The following CLRN1 variants were observed in gnomAD, a reference collection of about 807,000 sequenced individuals.
CLRN1 encodes clarin 1, also known as clarin-1.
In CLRN1, 15 loss-of-function variants were observed where a neutral mutation model predicts 18.7. The observed-to-expected ratio is 0.80, with a 90% CI of 0.54 to 1.23. CLRN1 has a LOEUF of 1.23. Among genes scored for constraint, CLRN1 ranks in the 50% most tolerant of loss-of-function variants. CLRN1 has a pLI of 0.00. For missense variants in CLRN1, 311 were observed against 277.5 expected, an observed-to-expected ratio of 1.12 and a Z score of -0.86; for synonymous variants, 104 against 102.9, an observed-to-expected ratio of 1.01 and a Z score of -0.07.
intron 1 of CLRN1, among the ~76,000 whole-genome samples, chr3:150,963,531 C>T (rs898132160): frequency 1.8e-4 from 28 of 152,178 alleles, no homozygotes; most frequent in African/African-American, 4.6e-4. Flanking sequence ...ATCAAGCTAC[C>T]ATTGACTTTC....
intron 2 of CLRN1, among the ~76,000 whole-genome samples, chr3:150,930,064 G>T (rs945278841): frequency 6.6e-6 from 1 of 152,180 alleles, no homozygotes; most frequent in Non-Finnish European, 1.5e-5. Context: ...TAATACTCAT[G>T]ATTTTTGCTC....
In CLRN1 at chr3:150,962,225, C is replaced by T. The variant is rs1198627908; in HGVS notation, c.253+10231G>A. On this transcript the variant is annotated intron_variant, in intron 1 of 2. Coordinates refer to ENST00000327047, the MANE Select transcript of CLRN1 (RefSeq NM_174878.3). Reference sequence around the variant, plus strand: ...ACAGTTACAGCATGCTGAGAGGGAGCGAAATATGAACCCTGCATAAATTAG... The same window carrying T: ...ACAGTTACAGCATGCTGAGAGGGAGTGAAATATGAACCCTGCATAAATTAG... 3.3e-5 allele frequency among the ~76,000 whole-genome samples: 5 copies of T among 152,206 alleles called. No individual in the cohort carries two copies. The East Asian group carries it at 7.7e-4, about 24-fold the overall frequency.
chr3:150,954,756 T>C (rs1224849867), intron 1 of CLRN1, among the ~76,000 whole-genome samples: 3 of 152,266 alleles, frequency 2.0e-5, no homozygotes, highest in Admixed American at 6.5e-5. Flanking sequence ...CATTTACACC[T>C]GTGATCTCTT....
intron 1 of CLRN1, among the ~76,000 whole-genome samples, chr3:150,951,487 G>C (rs1038328667): frequency 6.6e-6 from 1 of 151,950 alleles, no homozygotes; most frequent in Non-Finnish European, 1.5e-5. Flanking sequence ...ACAGGCACCC[G>C]CCACCATGCC....
chr3:150,943,536 C>CAT (rs1713978956), intron 1 of CLRN1, among the ~76,000 whole-genome samples: 1 of 152,196 alleles, frequency 6.6e-6, no homozygotes. Context: ...TCTCTCTCTG[C>CAT]TGAGAGCCAC....
At chr3:150,951,893 A>G (rs903122927) in intron 1 of CLRN1, among the ~76,000 whole-genome samples, 1 of 152,304 alleles carries the variant, frequency 6.6e-6, no homozygotes, top group East Asian at 1.9e-4. Context: ...TAAACCATTC[A>G]TAAGAACTCT....
At chr3:150,935,557 A>C (rs377149992) in intron 2 of CLRN1, among the ~76,000 whole-genome samples, 1 of 148,930 alleles carries the variant, frequency 6.7e-6, no homozygotes, top group African/African-American at 2.5e-5. Context: ...TTGGACATTT[A>C]GGTTGGTTCC....
At chr3:150,928,319 C>T in intron 2 of CLRN1, 118 bp from the exon 3 acceptor site, 1 of 1,272,424 alleles carries the variant, frequency 7.9e-7, no homozygotes, top group Non-Finnish European at 1.1e-6. Flanking sequence ...ACATTATCCA[C>T]ACAAAAAATT....
chr3:150,972,786 C>G (rs747319579), upstream of CLRN1: 20 of 1,597,114 alleles, frequency 1.3e-5, no homozygotes, highest in Non-Finnish European at 1.5e-5. Flanking sequence ...GCCTCTTTGA[C>G]TGCATTTATT....
chr3:150,945,410 G>T, intron 1 of CLRN1: 1 of 861,192 alleles, frequency 1.2e-6, no homozygotes, highest in Non-Finnish European at 1.6e-6. Flanking sequence ...ATGCCTCATG[G>T]CCACAACACT....
chr3:150,943,293 C>A (rs548504331), intron 1 of CLRN1, among the ~76,000 whole-genome samples: 1 of 152,172 alleles, frequency 6.6e-6, no homozygotes, highest in East Asian at 1.9e-4. Context: ...CCAATTGGTT[C>A]TTTATGAATA....
chr3:150,952,171 C>A (rs1356915827), intron 1 of CLRN1, among the ~76,000 whole-genome samples: 1 of 152,178 alleles, frequency 6.6e-6, no homozygotes, highest in Non-Finnish European at 1.5e-5. Context: ...GGATCCCAAC[C>A]TACGATGGTT....
At chr3:150,949,682 G>A (rs1248397258) in intron 1 of CLRN1, among the ~76,000 whole-genome samples, 4 of 152,120 alleles carry the variant, frequency 2.6e-5, no homozygotes, top group Non-Finnish European at 5.9e-5. Flanking sequence ...AACACTGCTT[G>A]AAGAAATCAG....
chr3:150,938,206 C>A (rs979258656), intron 2 of CLRN1, among the ~76,000 whole-genome samples: 11 of 152,272 alleles, frequency 7.2e-5, no homozygotes, highest in Admixed American at 2.0e-4. Context: ...GGGCAGCACA[C>A]ATTGGCAAGA....
At chr3:150,928,327 A>T in intron 2 of CLRN1, 126 bp from the exon 3 acceptor site, 14 of 1,174,298 alleles carry the variant, frequency 1.2e-5, no homozygotes, top group Non-Finnish European at 1.7e-5. Flanking sequence ...CACACAAAAA[A>T]TTATTGCATA....
intron 1 of CLRN1, among the ~76,000 whole-genome samples, chr3:150,964,102 G>T (rs531420111): frequency 1.1e-4 from 17 of 152,148 alleles, no homozygotes; most frequent in African/African-American, 4.1e-4. Context: ...CGCAGCAAAA[G>T]AAACTATTAT....
rs1279663423 is a variant in CLRN1 at position 150,927,610 on chromosome 3, CTT to C, written c.*324_*325del. On this transcript the variant is annotated 3_prime_UTR_variant, in exon 3 of 3. Coordinates refer to ENST00000327047, the MANE Select transcript of CLRN1 (RefSeq NM_174878.3). ...AATATATTCCATGTGCCTTTGATAT[CTT>C]TTTGATAGGAAGACATCTTACACAC... 1 of 496,404 alleles carries C rather than the reference CTT, an allele frequency of 2.0e-6. No individual in the cohort carries two copies. The highest frequency in any genetic ancestry group is 2.3e-5 in the Admixed American group (1 of 43,262). The allele number at this position is 496,404 out of a possible 1,614,324, so 30.7% of individuals were successfully genotyped here. A position where few individuals can be genotyped will look rare whatever the true frequency, so the allele number is the denominator to read the frequency against.
chr3:150,965,666 G>GTTAA, intron 1 of CLRN1, among the ~76,000 whole-genome samples: 1 of 152,128 alleles, frequency 6.6e-6, no homozygotes, highest in East Asian at 1.9e-4. Flanking sequence ...ATACACCAGG[G>GTTAA]TTAAGTTCCA....
intron 1 of CLRN1, among the ~76,000 whole-genome samples, chr3:150,943,638 A>G (rs922443453): frequency 2.6e-5 from 4 of 152,238 alleles, no homozygotes; most frequent in Non-Finnish European, 5.9e-5. Flanking sequence ...AGGATGCACA[A>G]ATTGTGGGTA....
Sources: gnomAD v4.1 joint callset for allele counts (sites outside exome capture counted in the v4.1 genomes callset) on GRCh38, gnomAD v4.1.1 for gene constraint, MANE v1.5 for transcripts, NCBI Gene and HGNC (gene_info 2026-07-23, HGNC 2026-07-21) for gene names.